The following FNIP1 variants were observed in gnomAD, a reference collection of about 807,000 sequenced individuals.
The protein encoded by FNIP1 is folliculin interacting protein 1.
FNIP1 carries 40 observed loss-of-function variants against 124.5 expected under a neutral mutation model. That is an observed-to-expected ratio of 0.32 (90% CI 0.25 to 0.42). The LOEUF is 0.42. Ranked by LOEUF, FNIP1 falls within the 10% of genes least tolerant of loss-of-function variation. The pLI is 1.00. For missense variants in FNIP1, 1,176 were observed against 1,403.7 expected, an observed-to-expected ratio of 0.84 and a Z score of 2.59; for synonymous variants, 472 against 470.6, an observed-to-expected ratio of 1.00 and a Z score of -0.04.
At chr5:131,655,802 C>T (rs1399186480) in intron 15 of FNIP1, among the ~76,000 whole-genome samples, 1 of 151,882 alleles carries the variant, frequency 6.6e-6, no homozygotes, top group African/African-American at 2.4e-5. Context: ...CCTGCAATCC[C>T]AGCTACTCCA....
intron 9 of FNIP1, among the ~76,000 whole-genome samples, chr5:131,705,860 G>A (rs1274563539): frequency 6.6e-6 from 1 of 152,112 alleles, no homozygotes; most frequent in Non-Finnish European, 1.5e-5. Context: ...TCCATCAATA[G>A]ACAAATGGAT....
intron 1 of FNIP1, among the ~76,000 whole-genome samples, chr5:131,761,174 T>C (rs1222830777): frequency 1.3e-5 from 2 of 152,240 alleles, no homozygotes; most frequent in Admixed American, 1.3e-4. Flanking sequence ...GGTCATATAA[T>C]GCTCTATTAC....
chr5:131,710,009 GATAT>G (rs953158557), intron 7 of FNIP1, among the ~76,000 whole-genome samples: 3 of 152,100 alleles, frequency 2.0e-5, no homozygotes, highest in African/African-American at 7.2e-5. Context: ...TAGAATCCTG[GATAT>G]ATACACATGA....
intron 15 of FNIP1, among the ~76,000 whole-genome samples, chr5:131,656,622 CT>C (rs1767200515): frequency 6.6e-6 from 1 of 152,066 alleles, no homozygotes; most frequent in Admixed American, 6.5e-5. Flanking sequence ...AGAGTTTTAG[CT>C]TAAAAAATAT....
chr5:131,763,185 A>G (rs1771292142), intron 1 of FNIP1, among the ~76,000 whole-genome samples: 1 of 152,326 alleles, frequency 6.6e-6, no homozygotes, highest in South Asian at 2.1e-4. Context: ...TATGTAACAC[A>G]AAGGGTAAAT....
chr5:131,687,019 CAAA>C (rs748836156), intron 11 of FNIP1, among the ~76,000 whole-genome samples: 3 of 73,126 alleles, frequency 4.1e-5, no homozygotes, highest in Admixed American at 1.4e-4. Flanking sequence ...TTTCCTTTCT[CAAA>C]AAAAAAAAAA....
intron 16 of FNIP1, among the ~76,000 whole-genome samples, chr5:131,651,410 C>T (rs1767035626): frequency 6.6e-6 from 1 of 152,068 alleles, no homozygotes; most frequent in Admixed American, 6.6e-5. Context: ...ACAAAAAACC[C>T]CAGATATTTA....
chr5:131,743,894 G>A (rs925345923), intron 2 of FNIP1, among the ~76,000 whole-genome samples: 1 of 151,954 alleles, frequency 6.6e-6, no homozygotes, highest in Non-Finnish European at 1.5e-5. Flanking sequence ...CAAACCTGAA[G>A]GAAAAAGTAA....
At chr5:131,658,105 G>A (rs1424754504) in intron 15 of FNIP1, among the ~76,000 whole-genome samples, 1 of 150,994 alleles carries the variant, frequency 6.6e-6, no homozygotes, top group African/African-American at 2.4e-5. Flanking sequence ...CACCATACCA[G>A]AGGAATGAAC....
chr5:131,708,519 C>T (rs1046698463), intron 8 of FNIP1, among the ~76,000 whole-genome samples: 4 of 152,192 alleles, frequency 2.6e-5, no homozygotes, highest in African/African-American at 9.6e-5. Flanking sequence ...AAATACAACT[C>T]AATCATCATC....
intron 1 of FNIP1, among the ~76,000 whole-genome samples, chr5:131,782,640 G>C (rs917601098): frequency 4.6e-5 from 7 of 152,150 alleles, no homozygotes; most frequent in Non-Finnish European, 8.8e-5. Context: ...GGGAGGGAAA[G>C]AAAGCCTTAT....
In FNIP1 at chr5:131,672,637, TTTC is replaced by T. The variant is rs768488283; in HGVS notation, c.1804_1806del (p.Glu602del). Reference sequence around the variant, plus strand: ...TTACAGTTACAATTGGGAGTTCTAATTTCTTCTGACTCTTTAAAGAGCAAACTG... The same window carrying T: ...TTACAGTTACAATTGGGAGTTCTAATTTCTGACTCTTTAAAGAGCAAACTG... On this transcript the variant is annotated inframe_deletion, in exon 14 of 18. Transcript: ENST00000510461. 6.2e-7 allele frequency: 1 copy of T among 1,614,200 alleles called. No individual in the cohort carries two copies. The highest frequency in any genetic ancestry group is 1.1e-5 in the South Asian group (1 of 91,084).
At chr5:131,760,862 G>C (rs1202295469) in intron 1 of FNIP1, among the ~76,000 whole-genome samples, 3 of 138,264 alleles carry the variant, frequency 2.2e-5, no homozygotes, top group Non-Finnish European at 4.7e-5. Context: ...TGACAGGAGG[G>C]AAAGAGGGAA....
intron 1 of FNIP1, among the ~76,000 whole-genome samples, chr5:131,763,288 T>TACACACACACACACAC (rs34544569): frequency 3.1e-4 from 46 of 148,464 alleles, no homozygotes; most frequent in African/African-American, 1.1e-3. Context: ...CAAATGCAAA[T>TACACACACACACACAC]ACACACACAC....
At chr5:131,658,907 C>CAAAAAAAAAAAAAA (rs70974003) in intron 15 of FNIP1, among the ~76,000 whole-genome samples, 1 of 41,164 alleles carries the variant, frequency 2.4e-5, no homozygotes, top group African/African-American at 1.0e-4. Context: ...TGGGTCTAGC[C>CAAAAAAAAAAAAAA]AAAAAAAAAA....
rs1390465706 is a variant in FNIP1 at position 131,672,450 on chromosome 5, T to C, written c.1994A>G (p.Gln665Arg). 3 of 1,613,634 alleles carry C rather than the reference T, an allele frequency of 1.9e-6. No homozygotes were observed. The African/African-American group carries it at 4.0e-5, about 21-fold the overall frequency. Residue 665 changes from glutamine to arginine, a missense_variant, in exon 14 of 18, where the codon CAG becomes CGG. Physicochemically the swap from Gln to Arg is conservative, Grantham distance 43. Around this residue, in one of 2 missense-constraint regions of FNIP1, gnomAD observed 1,109 missense variants for 1,288.5 expected, o/e 0.86. Transcript: ENST00000510461. ...GCAAGTTCTTAATTTATCTCTGTAC[T>C]GTTTAACATCAACAGCATTTTCTTC... ...CQEENAVDVK[Q>R]YRDKLRTCFD...
chr5:131,683,511 C>A (rs1768160822), intron 11 of FNIP1, among the ~76,000 whole-genome samples: 1 of 148,764 alleles, frequency 6.7e-6, no homozygotes. Flanking sequence ...CGAAACTGCG[C>A]CACTGCACTC....
intron 15 of FNIP1, among the ~76,000 whole-genome samples, chr5:131,658,567 C>A (rs1362379133): frequency 6.6e-6 from 1 of 151,602 alleles, no homozygotes; most frequent in Admixed American, 6.6e-5. Flanking sequence ...AAAAGGGGGG[C>A]CACAAAGGCT....
At chr5:131,704,427 C>T (rs1168867570) in intron 9 of FNIP1, among the ~76,000 whole-genome samples, 161 bp from the exon 10 acceptor site, 1 of 152,124 alleles carries the variant, frequency 6.6e-6, no homozygotes, top group Non-Finnish European at 1.5e-5. Flanking sequence ...AATCTACTGG[C>T]TATTCTTTCA....
Sources: allele counts gnomAD v4.1 joint callset (sites outside exome capture counted in the v4.1 genomes callset), GRCh38; gene constraint gnomAD v4.1.1; regional missense constraint gnomAD v4.1.1; transcripts MANE v1.5; gene names NCBI Gene and HGNC (gene_info 2026-07-23, HGNC 2026-07-21).